The following NUAK1 variants were observed in gnomAD, a reference collection of about 807,000 sequenced individuals.
NUAK1 encodes NUAK family kinase 1.
Under a neutral mutation model 56.9 loss-of-function variants are expected in NUAK1, and 26 were observed. The observed-to-expected ratio is 0.46, with a 90% confidence interval of 0.33 to 0.63. The LOEUF is 0.63. Ranked by LOEUF, NUAK1 falls within the 30% of genes least tolerant of loss-of-function variation. NUAK1 has a pLI of 0.02. For missense variants in NUAK1, 727 were observed against 876.1 expected (o/e 0.83, Z 2.15); for synonymous variants, 337 against 336.0 (o/e 1.00, Z -0.03).
chr12:106,073,749 C>T (rs988480515), intron 4 of NUAK1, among the ~76,000 whole-genome samples: 57 of 151,740 alleles, frequency 3.8e-4, no homozygotes, highest in African/African-American at 1.4e-3. Context: ...ACCTGAGAGG[C>T]GGAGATTGCA....
At chr12:106,077,319 T>C (rs1477019649) in intron 4 of NUAK1, among the ~76,000 whole-genome samples, 1 of 152,158 alleles carries the variant, frequency 6.6e-6, no homozygotes, top group Admixed American at 6.5e-5. Flanking sequence ...AGAACCCACC[T>C]CACATAGGTA....
chr12:106,085,626 G>A (rs1327232268), intron 3 of NUAK1, among the ~76,000 whole-genome samples: 12 of 152,216 alleles, frequency 7.9e-5, no homozygotes, highest in Non-Finnish European at 1.5e-5. Flanking sequence ...AATAATGGCT[G>A]AGACATGGCT....
At chr12:106,127,630 C>T (rs1260252048) in intron 1 of NUAK1, among the ~76,000 whole-genome samples, 1 of 152,184 alleles carries the variant, frequency 6.6e-6, no homozygotes, top group Non-Finnish European at 1.5e-5. Context: ...ACAGTCTACA[C>T]AGGGAGACTC....
At chr12:106,131,586 ATAAG>A (rs1445728043) in intron 1 of NUAK1, among the ~76,000 whole-genome samples, 1 of 152,236 alleles carries the variant, frequency 6.6e-6, no homozygotes, top group African/African-American at 2.4e-5. Context: ...GGAATAGATC[ATAAG>A]TAATATTCCA....
intron 1 of NUAK1, among the ~76,000 whole-genome samples, chr12:106,113,805 G>A (rs2032889848): frequency 6.6e-6 from 1 of 151,752 alleles, no homozygotes; most frequent in Non-Finnish European, 1.5e-5. Flanking sequence ...GCTTCCAATG[G>A]GTATCTCCCT....
chr12:106,079,628 TC>T (rs1219199105), intron 4 of NUAK1, among the ~76,000 whole-genome samples: 1 of 152,202 alleles, frequency 6.6e-6, no homozygotes, highest in Non-Finnish European at 1.5e-5. Context: ...GGAATTCAAG[TC>T]CTATACCAGG....
intron 2 of NUAK1, among the ~76,000 whole-genome samples, chr12:106,102,005 G>A (rs1298059947): frequency 6.6e-6 from 1 of 152,182 alleles, no homozygotes; most frequent in Non-Finnish European, 1.5e-5. Flanking sequence ...CCCAGGGAAG[G>A]GAGGGGAGCT....
chr12:106,111,684 A>T (rs1293855581), intron 1 of NUAK1, among the ~76,000 whole-genome samples: 1 of 152,066 alleles, frequency 6.6e-6, no homozygotes, highest in Non-Finnish European at 1.5e-5. Flanking sequence ...AGCCCCAGGG[A>T]CCACACTTGG....
chr12:106,131,732 C>G (rs2136485383), intron 1 of NUAK1, among the ~76,000 whole-genome samples: 1 of 152,302 alleles, frequency 6.6e-6, no homozygotes, highest in Non-Finnish European at 1.5e-5. Context: ...TGCATTTCTC[C>G]TGGGTAAACC....
chr12:106,077,755 A>G (rs1436480546), intron 4 of NUAK1, among the ~76,000 whole-genome samples: 1 of 152,098 alleles, frequency 6.6e-6, no homozygotes, highest in Non-Finnish European at 1.5e-5. Context: ...ATCCACTAAA[A>G]CTGCATTTTC....
chr12:106,110,521 C>G (rs993971532), intron 1 of NUAK1, among the ~76,000 whole-genome samples: 16 of 152,162 alleles, frequency 1.1e-4, no homozygotes, highest in African/African-American at 3.6e-4. Context: ...CCTCAATTCT[C>G]ACATCTACAA....
intron 1 of NUAK1, among the ~76,000 whole-genome samples, chr12:106,108,600 G>A (rs2032828781): frequency 6.6e-6 from 1 of 152,220 alleles, no homozygotes; most frequent in Non-Finnish European, 1.5e-5. Context: ...AGCAGACAGT[G>A]AACACACACA....
At chr12:106,108,113 G>T (rs2032821896) in intron 1 of NUAK1, among the ~76,000 whole-genome samples, 1 of 152,128 alleles carries the variant, frequency 6.6e-6, no homozygotes, top group African/African-American at 2.4e-5. Context: ...CTAGAGGGAG[G>T]GGAGGGTTGC....
intron 1 of NUAK1, among the ~76,000 whole-genome samples, chr12:106,134,156 G>A (rs751789613): frequency 5.9e-5 from 9 of 152,160 alleles, no homozygotes; most frequent in Non-Finnish European, 7.3e-5. Flanking sequence ...ACACTTCTGC[G>A]CCTTACTGGT....
At position 106,084,104 on chromosome 12, in the gene NUAK1, C is replaced by G. The variant is rs75076073; in HGVS notation, c.514-175G>C. Reference sequence around the variant, plus strand: ...TGCTCTCACTGTCTTGACGCTCCCCCGCCAGCGACCAACCAGCGACAGGAG... The same window carrying G: ...TGCTCTCACTGTCTTGACGCTCCCCGGCCAGCGACCAACCAGCGACAGGAG... On this transcript the variant is annotated intron_variant, in intron 3 of 6. Coordinates refer to ENST00000261402, the MANE Select transcript of NUAK1 (RefSeq NM_014840.3). The G allele has an allele frequency of 6.7e-6, 4 of 595,746 alleles. No individual in the cohort carries two copies. In the East Asian group the frequency reaches 8.3e-5, roughly 12 times the overall value. 36.9% of individuals were successfully genotyped at this position (595,746 alleles called of 1,614,324 possible). A position where few individuals can be genotyped will look rare whatever the true frequency, so the allele number is the denominator to read the frequency against.
chr12:106,110,407 G>A (rs1049394437), intron 1 of NUAK1, among the ~76,000 whole-genome samples: 41 of 152,136 alleles, frequency 2.7e-4, no homozygotes, highest in Admixed American at 2.2e-3. Context: ...CGGGCAATAA[G>A]CAAAACTCAC....
intron 1 of NUAK1, among the ~76,000 whole-genome samples, chr12:106,134,356 GA>G (rs2033108120): frequency 6.6e-6 from 1 of 152,236 alleles, no homozygotes; most frequent in Non-Finnish European, 1.5e-5. Context: ...AGGAGGCTAT[GA>G]ATAGCTTTGG....
intron 1 of NUAK1, among the ~76,000 whole-genome samples, chr12:106,132,202 A>G (rs1333864203): frequency 6.6e-6 from 1 of 152,256 alleles, no homozygotes; most frequent in East Asian, 1.9e-4. Flanking sequence ...CTGTCTTTTC[A>G]GACATTGCTC....
chr12:106,115,265 T>C (rs1293336064), intron 1 of NUAK1, among the ~76,000 whole-genome samples: 1 of 152,222 alleles, frequency 6.6e-6, no homozygotes, highest in Non-Finnish European at 1.5e-5. Flanking sequence ...CATTTCTTAA[T>C]ATGGTAAAAT....
Sources: allele counts gnomAD v4.1 joint callset (sites outside exome capture counted in the v4.1 genomes callset), GRCh38; gene constraint gnomAD v4.1.1; transcripts MANE v1.5; gene names NCBI Gene and HGNC (gene_info 2026-07-23, HGNC 2026-07-21).